Variants in FERMT2 observed in about 807,000 individuals in gnomAD.
The protein encoded by FERMT2 is FERM domain containing kindlin 2, also known as fermitin family homolog 2.
In FERMT2, 15 loss-of-function variants were observed where a neutral mutation model predicts 82.7. The ratio of observed to expected loss-of-function variants is 0.18; its 90% confidence interval spans 0.12 to 0.28. The LOEUF (loss-of-function observed/expected upper bound fraction) is 0.28, where lower values mean the gene tolerates loss of function less well. Ranked by LOEUF, FERMT2 falls within the 10% of genes least tolerant of loss-of-function variation. FERMT2 has a pLI of 1.00. For missense variants in FERMT2, 645 were observed against 809.4 expected, an observed-to-expected ratio of 0.80 and a Z score of 2.46; for synonymous variants, 274 against 271.5, an observed-to-expected ratio of 1.01 and a Z score of -0.09.
intron 3 of FERMT2, among the ~76,000 whole-genome samples, chr14:52,911,674 G>C (rs10139677): frequency 0.15 from 22,309 of 150,302 alleles, 1,889 homozygotes; most frequent in African/African-American, 0.23. Flanking sequence ...AAAAAAAGCA[G>C]GCTGCAGGCC....
chr14:52,946,455 C>A (rs1011005551), intron 2 of FERMT2, among the ~76,000 whole-genome samples: 1 of 151,442 alleles, frequency 6.6e-6, no homozygotes, highest in African/African-American at 2.4e-5. Context: ...GAGTTCAAGA[C>A]CAGCCTGGGC....
At chr14:52,865,094 G>A (rs919367001) in intron 10 of FERMT2, among the ~76,000 whole-genome samples, 7 of 152,108 alleles carry the variant, frequency 4.6e-5, no homozygotes, top group African/African-American at 1.2e-4. Flanking sequence ...AGGCCGAGGC[G>A]GGCGGATCAC....
At chr14:52,925,558 C>CAAAA (rs761894753) in intron 2 of FERMT2, among the ~76,000 whole-genome samples, 3 of 55,632 alleles carry the variant, frequency 5.4e-5, no homozygotes, top group African/African-American at 1.2e-4. Context: ...GACTCTGTCT[C>CAAAA]AAAAAAAAAA....
intron 4 of FERMT2, among the ~76,000 whole-genome samples, chr14:52,885,181 C>T (rs941044221): frequency 1.1e-4 from 17 of 151,322 alleles, no homozygotes; most frequent in African/African-American, 4.1e-4. Context: ...GGCATGGTGG[C>T]ATGCTCCTGT....
chr14:52,904,782 C>T (rs996501928), intron 3 of FERMT2, among the ~76,000 whole-genome samples: 9 of 142,298 alleles, frequency 6.3e-5, no homozygotes, highest in Admixed American at 2.8e-4. Flanking sequence ...AAAAGGCATA[C>T]GAGACAGGAA....
intron 3 of FERMT2, among the ~76,000 whole-genome samples, chr14:52,914,253 CCAG>C (rs2139622771): frequency 6.6e-6 from 1 of 151,924 alleles, no homozygotes; most frequent in African/African-American, 2.4e-5. Context: ...GCCTGTGGTC[CCAG>C]CTACTTGGGA....
intron 2 of FERMT2, among the ~76,000 whole-genome samples, chr14:52,945,267 G>T (rs375728810): frequency 1.3e-5 from 2 of 151,486 alleles, no homozygotes; most frequent in South Asian, 2.1e-4. Context: ...GGTTGGGGGC[G>T]GGGGGACGGA....
intron 2 of FERMT2, among the ~76,000 whole-genome samples, chr14:52,932,499 T>C (rs989745186): frequency 1.3e-5 from 2 of 152,220 alleles, no homozygotes; most frequent in African/African-American, 2.4e-5. Context: ...AGGTTATGGT[T>C]AGCAGCCATA....
intron 2 of FERMT2, among the ~76,000 whole-genome samples, chr14:52,929,207 T>C (rs770924133): frequency 4.6e-5 from 7 of 152,304 alleles, no homozygotes; most frequent in Admixed American, 6.5e-5. Flanking sequence ...CTGAAAGTCA[T>C]TGATTTTCGC....
intron 10 of FERMT2, 109 bp downstream of exon 10, chr14:52,872,690 A>G (rs1885699034): frequency 1.8e-6 from 2 of 1,138,960 alleles, no homozygotes; most frequent in Admixed American, 2.2e-5. Flanking sequence ...CCAAAGGAGT[A>G]AAGAAATTGA....
intron 3 of FERMT2, among the ~76,000 whole-genome samples, chr14:52,896,570 G>A (rs76291159): frequency 5.9e-5 from 9 of 152,230 alleles, no homozygotes; most frequent in Admixed American, 1.3e-4. Flanking sequence ...TCAGCCTGTC[G>A]GTGTCTGAGT....
intron 14 of FERMT2, 108 bp downstream of exon 14, chr14:52,859,463 TAA>T (rs771274367): frequency 9.5e-7 from 1 of 1,048,922 alleles, no homozygotes; most frequent in African/African-American, 1.6e-5. Context: ...GTCTGTACTT[TAA>T]GAGGTGGTGG....
chr14:52,934,948 T>C (rs1043170843), intron 2 of FERMT2, among the ~76,000 whole-genome samples: 1 of 152,222 alleles, frequency 6.6e-6, no homozygotes, highest in Admixed American at 6.5e-5. Context: ...ATAAGTGACA[T>C]GACTTGTCAC....
At chr14:52,870,589 ATACT>A (rs1204970995) in intron 10 of FERMT2, among the ~76,000 whole-genome samples, 9 of 152,178 alleles carry the variant, frequency 5.9e-5, no homozygotes, top group Admixed American at 6.5e-5. Flanking sequence ...TAGATAACAA[ATACT>A]TACTATTGTG....
chr14:52,906,829 G>A (rs937410469), intron 3 of FERMT2, among the ~76,000 whole-genome samples: 1 of 150,996 alleles, frequency 6.6e-6, no homozygotes, highest in Non-Finnish European at 1.5e-5. Flanking sequence ...TAATCAAATT[G>A]CTGATAACCA....
chr14:52,939,404 G>A (rs1889996492), intron 2 of FERMT2, among the ~76,000 whole-genome samples: 2 of 149,048 alleles, frequency 1.3e-5, no homozygotes, highest in Admixed American at 6.7e-5. Flanking sequence ...AGAACTATTT[G>A]GCTTCCTTTT....
At chr14:52,873,692 A>C (rs192835196) in intron 9 of FERMT2, 3 of 152,766 alleles carry the variant, frequency 2.0e-5, no homozygotes, top group Admixed American at 2.0e-4. Context: ...CTCTGCCTTA[A>C]TGCCGAGCTC....
At chr14:52,916,359 GA>G in intron 3 of FERMT2, among the ~76,000 whole-genome samples, 1 of 131,330 alleles carries the variant, frequency 7.6e-6, no homozygotes, top group South Asian at 2.3e-4. Context: ...AAAAGAAGAA[GA>G]AAAGAAAAAA....
chr14:52,912,981 A>G (rs769465060), intron 3 of FERMT2, among the ~76,000 whole-genome samples: 4 of 152,260 alleles, frequency 2.6e-5, no homozygotes, highest in Non-Finnish European at 2.9e-5. Flanking sequence ...TTTACATTCT[A>G]GAGATAAACA....
Sources: gnomAD v4.1 joint callset for allele counts (sites outside exome capture counted in the v4.1 genomes callset) on GRCh38, gnomAD v4.1.1 for gene constraint, MANE v1.5 for transcripts, NCBI Gene and HGNC (gene_info 2026-07-23, HGNC 2026-07-21) for gene names.